OARD1: variants seen among roughly 807,000 people sequenced by gnomAD.
OARD1 encodes the protein O-acyl-ADP-ribose deacylase 1.
In OARD1, 19 loss-of-function variants were observed where a neutral mutation model predicts 19.7. The observed-to-expected ratio is 0.96, with a 90% CI of 0.67 to 1.41. The LOEUF (loss-of-function observed/expected upper bound fraction) is 1.41. Among genes scored for constraint, OARD1 ranks in the 40% most tolerant of loss-of-function variants. The pLI, the probability that OARD1 is intolerant of heterozygous loss-of-function variation, is 0.00. For missense variants in OARD1, 190 were observed against 183.8 expected (o/e 1.03, Z -0.20); for synonymous variants, 70 against 61.8 (o/e 1.13, Z -0.62).
In OARD1 at chr6:41,091,810, G is replaced by A. The variant is rs532014716; in HGVS notation, c.-42+5903C>T. The A allele has an allele frequency of 4.1e-5, 46 of 1,117,958 alleles. 1 individual carries two copies. The African/African-American group carries it at 5.2e-4, about 13-fold the overall frequency. The allele number at this position is 1,117,958 out of a possible 1,614,324, so 69.3% of individuals were successfully genotyped here. A position where few individuals can be genotyped will look rare whatever the true frequency, so the allele number is the denominator to read the frequency against. On this transcript the variant is annotated intron_variant, in intron 1 of 4. Coordinates refer to the OARD1 transcript ENST00000480585. The stretch of plus-strand genomic sequence containing the variant: ...GATTGAGATCGATCCTTAAGGCACT[G>A]TCGGTAATCTACTTTGACAATAACA...
In OARD1 at chr6:41,066,597, T is replaced by TGGAC. The variant is rs976322710; in HGVS notation, c.*734_*737dup. 2 of 152,196 alleles carry TGGAC rather than the reference T, an allele frequency of 1.3e-5. No individual in the cohort carries two copies. Among genetic ancestry groups the TGGAC allele is most frequent in the African/African-American group, 4.8e-5 (2 of 41,456 alleles). The allele number at this position is 152,196 out of a possible 1,614,324, so 9.4% of individuals were successfully genotyped here. A position where few individuals can be genotyped will look rare whatever the true frequency, so the allele number is the denominator to read the frequency against. On this transcript the variant is annotated 3_prime_UTR_variant, in exon 6 of 6. Transcript: ENST00000424266. ...AGGTTCAATCACAGAAACCATGCAG[T>TGGAC]GGACAAAAGAGAGAAAAAGTTCACC...
chr6:41,088,777 G>T (rs944160708), intron 1 of OARD1, among the ~76,000 whole-genome samples: 1 of 151,974 alleles, frequency 6.6e-6, no homozygotes, highest in Non-Finnish European at 1.5e-5. Flanking sequence ...GTAGATACAG[G>T]GTTTTGCCAT....
At chr6:41,084,206 A>G in intron 1 of OARD1, 1 of 1,612,896 alleles carries the variant, frequency 6.2e-7, no homozygotes, top group Non-Finnish European at 8.5e-7. Context: ...AGTAATATTT[A>G]AAAATATTGA....
chr6:41,067,440 G>A lies in OARD1; in HGVS notation c.357-3C>T. On this transcript the variant is annotated splice_region_variant and splice_polypyrimidine_tract_variant and intron_variant, in intron 5 of 5. Transcript: ENST00000424266. ...GACGATCAAGACCACATCCAATCCTGAAAAAGACAAAATATCTCCATTGAT... is the reference window on the plus strand; with the variant it reads ...GACGATCAAGACCACATCCAATCCTAAAAAAGACAAAATATCTCCATTGAT... 3 of 1,601,638 alleles carry A rather than the reference G, an allele frequency of 1.9e-6. No individual in the cohort carries two copies. The highest frequency in any genetic ancestry group is 2.6e-6 in the Non-Finnish European group (3 of 1,169,562).
At chr6:41,073,358 A>T (rs1236776389), upstream of OARD1, among the ~76,000 whole-genome samples, 2 of 151,514 alleles carry the variant, frequency 1.3e-5, no homozygotes, top group Non-Finnish European at 2.9e-5. Context: ...TGCCAGGGCC[A>T]GTTGGGAATG....
intron 1 of OARD1, among the ~76,000 whole-genome samples, chr6:41,082,976 C>T (rs1763948542): frequency 6.6e-6 from 1 of 152,150 alleles, no homozygotes; most frequent in Non-Finnish European, 1.5e-5. Context: ...TACTATCTAA[C>T]CTACTCATCT....
At chr6:41,072,887 T>C (rs937844054), upstream of OARD1, 3 of 153,188 alleles carry the variant, frequency 2.0e-5, no homozygotes, top group Non-Finnish European at 4.4e-5. Flanking sequence ...ATCCCTGAAC[T>C]GGAGTTAGTG....
Position 41,071,198 on chromosome 6 carries a change from T to C in OARD1, c.118A>G (p.Met40Val). 2 of 1,614,218 alleles carry C rather than the reference T, an allele frequency of 1.2e-6. No homozygotes were observed. Among genetic ancestry groups the C allele is most frequent in the Non-Finnish European group, 1.7e-6 (2 of 1,180,008 alleles). The change falls in exon 3 of 6, where the codon ATG becomes GTG. Residue 40 changes from methionine to valine, a missense_variant. Met to Val is a conservative substitution (Grantham distance 21, BLOSUM62 1). Coordinates refer to ENST00000424266, the MANE Select transcript of OARD1 (RefSeq NM_001329686.2). ...AAGAGGACAGCTATCCCAGCGCCCA[T>C]GCGACAATCCTCACTGATACAGTGG... The part of the protein sequence containing the change: ...LAHCISEDCR[M>V]GAGIAVLFKK...
At position 41,064,916 on chromosome 6, in the gene OARD1, T is replaced by A. The variant is rs1006778381; in HGVS notation, c.*2419A>T. On this transcript the variant is annotated 3_prime_UTR_variant, in exon 6 of 6. Coordinates refer to ENST00000424266, the MANE Select transcript of OARD1 (RefSeq NM_001329686.2). The stretch of plus-strand genomic sequence containing the variant: ...AGGATGATGTCAAGTCTCTCTTTTT[T>A]TTTTTTTAAAGGTTTGTTTGAGTCC... 3 of 152,182 alleles carry A rather than the reference T, an allele frequency of 2.0e-5. No homozygotes were observed. The highest frequency in any genetic ancestry group is 7.2e-5 in the African/African-American group (3 of 41,442). The allele number at this position is 152,182 out of a possible 1,614,324, so 9.4% of individuals were successfully genotyped here. A position where few individuals can be genotyped will look rare whatever the true frequency, so the allele number is the denominator to read the frequency against.
At chr6:41,075,444 G>A (rs1470551123), upstream of OARD1, 1 of 151,520 alleles carries the variant, frequency 6.6e-6, no homozygotes, top group Non-Finnish European at 1.5e-5. Flanking sequence ...TTTCTAAAAG[G>A]CATTATAATC....
intron 1 of OARD1, among the ~76,000 whole-genome samples, chr6:41,084,837 C>G (rs566058421): frequency 1.6e-4 from 24 of 152,264 alleles, no homozygotes; most frequent in African/African-American, 5.8e-4. Context: ...TGGCACGCAC[C>G]TGTAATCCCA....
intron 1 of OARD1, chr6:41,094,574 C>T (rs1316543059): frequency 1.2e-5 from 13 of 1,097,904 alleles, no homozygotes; most frequent in Admixed American, 1.9e-5. Context: ...GCAGTGTCCT[C>T]TTGCTATTTT....
chr6:41,080,435 T>C (rs898389325), intron 1 of OARD1, among the ~76,000 whole-genome samples: 1 of 152,228 alleles, frequency 6.6e-6, no homozygotes, highest in Non-Finnish European at 1.5e-5. Context: ...TTTATGGTAG[T>C]TTCAGGGCTA....
intron 1 of OARD1, among the ~76,000 whole-genome samples, chr6:41,095,187 C>T (rs1444019266): frequency 1.3e-5 from 2 of 152,194 alleles, no homozygotes; most frequent in East Asian, 3.9e-4. Context: ...TTCCCATTTG[C>T]ACTTAGACTG....
chr6:41,067,072 T>A lies in OARD1; in HGVS notation c.*263A>T, dbSNP rs1320871259. On this transcript the variant is annotated 3_prime_UTR_variant, in exon 6 of 6. Transcript: ENST00000424266. ...AGCATACTGGAGAAAAAGGTCATAG[T>A]CCCGACAATCTGGTTTCCCTGCCTA... 1 of 234,892 alleles carries A rather than the reference T, an allele frequency of 4.3e-6. No homozygotes were observed. Among genetic ancestry groups the A allele is most frequent in the African/African-American group, 2.2e-5 (1 of 44,448 alleles). 14.6% of individuals were successfully genotyped at this position (234,892 alleles called of 1,614,324 possible). A position where few individuals can be genotyped will look rare whatever the true frequency, so the allele number is the denominator to read the frequency against.
chr6:41,092,457 T>C (rs780070222), intron 1 of OARD1, among the ~76,000 whole-genome samples: 1 of 152,250 alleles, frequency 6.6e-6, no homozygotes, highest in Non-Finnish European at 1.5e-5. Flanking sequence ...TACAGGACTC[T>C]GTTACTTGTT....
At chr6:41,090,025 G>A (rs1357477773) in intron 1 of OARD1, among the ~76,000 whole-genome samples, 1 of 152,078 alleles carries the variant, frequency 6.6e-6, no homozygotes, top group Non-Finnish European at 1.5e-5. Flanking sequence ...GCAGAGAATC[G>A]CTTGAACCCA....
At position 41,068,871 on chromosome 6, in the gene OARD1, T is replaced by A; in HGVS notation, c.326A>T (p.Lys109Met). The change falls in exon 5 of 6, where the codon AAG becomes ATG. Residue 109 changes from lysine (K) to methionine (M), a missense_variant. Transcript: ENST00000424266. Reference protein sequence around the residue: ...SLEAMKSHCLKNGVTDLSMPR... With the variant: ...SLEAMKSHCLMNGVTDLSMPR... ...CATGGAGAGGTCAGTGACTCCATTCTTCAGACAATGAGACTTCATTGCCTC... is the reference window on the plus strand; with the variant it reads ...CATGGAGAGGTCAGTGACTCCATTCATCAGACAATGAGACTTCATTGCCTC... The A allele has an allele frequency of 6.2e-7, 1 of 1,606,266 alleles. No homozygotes were observed. The highest frequency in any genetic ancestry group is 1.3e-5 in the African/African-American group (1 of 74,784).
chr6:41,097,459 C>G, intron 1 of OARD1: 2 of 1,586,940 alleles, frequency 1.3e-6, no homozygotes, highest in Non-Finnish European at 1.7e-6. Flanking sequence ...CTCACTGTTC[C>G]AGGAAATTGA....
Sources: allele counts gnomAD v4.1 joint callset (sites outside exome capture counted in the v4.1 genomes callset), GRCh38; gene constraint gnomAD v4.1.1; transcripts MANE v1.5; gene names NCBI Gene and HGNC (gene_info 2026-07-23, HGNC 2026-07-21).